The following NPAS2 variants were observed in gnomAD, a reference collection of about 807,000 sequenced individuals.
NPAS2 encodes the protein neuronal PAS domain-containing protein 2.
NPAS2 carries 23 observed loss-of-function variants against 107.5 expected under a neutral mutation model. The ratio of observed to expected loss-of-function variants is 0.21; its 90% CI spans 0.15 to 0.30. The LOEUF is 0.30. NPAS2 is among the 10% of genes least tolerant of loss of function. The pLI is 1.00. For synonymous variants in NPAS2, 403 were observed against 417.5 expected, an observed-to-expected ratio of 0.97 and a Z score of 0.42; for missense variants, 756 against 1,043.3, an observed-to-expected ratio of 0.72 and a Z score of 3.79.
chr2:100,926,423 T>A (rs1175155102), intron 3 of NPAS2, among the ~76,000 whole-genome samples: 1 of 152,196 alleles, frequency 6.6e-6, no homozygotes, highest in Non-Finnish European at 1.5e-5. Flanking sequence ...TTTCTCCACA[T>A]CCTTGGCAAC....
chr2:100,842,185 G>A (rs1194233287), intron 1 of NPAS2, among the ~76,000 whole-genome samples: 2 of 152,112 alleles, frequency 1.3e-5, no homozygotes, highest in Non-Finnish European at 2.9e-5. Flanking sequence ...ATGAAGCCTA[G>A]ATCTTAGAGA....
At position 100,965,168 on chromosome 2, in the gene NPAS2, C is replaced by T. The variant is rs1187647608; in HGVS notation, c.800+225C>T. Among the ~76,000 whole-genome samples the T allele has an allele frequency of 1.3e-5, 2 of 152,216 alleles. No homozygotes were observed. The highest frequency in any genetic ancestry group is 4.8e-5 in the African/African-American group (2 of 41,474). On this transcript the variant is annotated intron_variant, in intron 9 of 20. Coordinates refer to ENST00000335681, the MANE Select transcript of NPAS2 (RefSeq NM_002518.4). This position sits in a 1 kb window ranked among gnomAD's most constrained non-coding sequence, Gnocchi z 4.3. ...TGGGTCTGATGGCTCAGCCCCGGGC[C>T]ATCTTTGGGATGATCCTCACTTGAG...
At chr2:100,929,819 A>G (rs1264603163) in intron 3 of NPAS2, among the ~76,000 whole-genome samples, 1 of 152,204 alleles carries the variant, frequency 6.6e-6, no homozygotes, top group African/African-American at 2.4e-5. Context: ...ATGAATTTCA[A>G]CATGCTTCCT....
Position 100,964,956 on chromosome 2 carries a change from A to G in NPAS2, c.800+13A>G. On this transcript the variant is annotated intron_variant, in intron 9 of 20. Coordinates refer to ENST00000335681, the MANE Select transcript of NPAS2 (RefSeq NM_002518.4). ...TTCTGGATCACAGGTTTGAGAAAAG[A>G]AAAACATATTTGGGTTGGGCCCTTC... 1 of 1,543,900 alleles carries G rather than the reference A, an allele frequency of 6.5e-7. No individual in the cohort carries two copies.
At chr2:100,864,120 A>G (rs1421270751) in intron 1 of NPAS2, among the ~76,000 whole-genome samples, 1 of 152,220 alleles carries the variant, frequency 6.6e-6, no homozygotes, top group Non-Finnish European at 1.5e-5. Context: ...GTTGACTTAC[A>G]TGATTATGAA....
intron 1 of NPAS2, among the ~76,000 whole-genome samples, chr2:100,852,510 A>G (rs1264427649): frequency 2.6e-5 from 4 of 152,218 alleles, no homozygotes; most frequent in Non-Finnish European, 5.9e-5. Context: ...ACGTAAGAAC[A>G]GGACTTGTTT....
intron 1 of NPAS2, among the ~76,000 whole-genome samples, chr2:100,856,724 C>T (rs1231259205): frequency 1.7e-5 from 2 of 115,294 alleles, no homozygotes; most frequent in Admixed American, 9.6e-5. Flanking sequence ...GGGGCGGGGG[C>T]GGGGGCATGT....
intron 16 of NPAS2, chr2:100,987,109 A>G (rs2310026): frequency 0.85 from 129,112 of 152,186 alleles, 55,138 homozygotes; most frequent in African/African-American, 0.95. Context: ...GCTAATTTTT[A>G]TATTTTTAGT....
intron 15 of NPAS2, among the ~76,000 whole-genome samples, chr2:100,980,846 T>C (rs188624837): frequency 6.6e-6 from 1 of 152,344 alleles, no homozygotes; most frequent in Non-Finnish European, 1.5e-5. Context: ...AAAGCCACTC[T>C]GGTCAAGATG....
chr2:100,919,729 A>G (rs1683106796), intron 2 of NPAS2, among the ~76,000 whole-genome samples: 1 of 151,942 alleles, frequency 6.6e-6, no homozygotes, highest in Non-Finnish European at 1.5e-5. Flanking sequence ...TTCCTTCTCC[A>G]ATTGAGCCCA....
chr2:100,944,412 G>A (rs1021645974), intron 5 of NPAS2, among the ~76,000 whole-genome samples: 10 of 152,220 alleles, frequency 6.6e-5, no homozygotes, highest in South Asian at 2.1e-4. Context: ...TTCAAGGCCC[G>A]TCAGGCAATT....
chr2:100,862,650 G>A (rs764691944), intron 1 of NPAS2, among the ~76,000 whole-genome samples: 2 of 152,094 alleles, frequency 1.3e-5, no homozygotes, highest in African/African-American at 4.8e-5. Context: ...TTATCCACAC[G>A]TACCATGGCA....
At position 100,982,067 on chromosome 2, in the gene NPAS2, A is replaced by C. The variant is rs184926181; in HGVS notation, c.1483-164A>C. 1.8e-3 allele frequency among the ~76,000 whole-genome samples: 272 copies of C among 152,358 alleles called. 2 individuals carry two copies. The highest frequency in any genetic ancestry group is 6.3e-3 in the African/African-American group (260 of 41,582). On this transcript the variant is annotated intron_variant, in intron 15 of 20. Coordinates refer to ENST00000335681, the MANE Select transcript of NPAS2 (RefSeq NM_002518.4). ...CCCAGGATGCCCAGACCTCATCTGC[A>C]GCCCCTGTTCACTGCCCAGGACCCA...
chr2:100,992,565 G>T (rs536154797), intron 19 of NPAS2, among the ~76,000 whole-genome samples: 9 of 152,244 alleles, frequency 5.9e-5, no homozygotes, highest in South Asian at 4.1e-4. Flanking sequence ...CCTCGTTCTC[G>T]ATCTCCTCCC....
chr2:100,851,306 C>T (rs1205040924), intron 1 of NPAS2, among the ~76,000 whole-genome samples: 2 of 152,194 alleles, frequency 1.3e-5, no homozygotes, highest in Non-Finnish European at 2.9e-5. Context: ...ATGTCTTTTA[C>T]CACAATTTTT....
In NPAS2 at chr2:100,904,737, A is replaced by G; in HGVS notation, c.-18A>G. The G allele has an allele frequency of 1.3e-6, 2 of 1,587,058 alleles. No homozygotes were observed. Among genetic ancestry groups the G allele is most frequent in the Non-Finnish European group, 1.7e-6 (2 of 1,163,412 alleles). ...TTTTTTTTTTTTTTTTTGCAGGAAA[A>G]ACTGCATAGAAAATCTAATGGATGA... On this transcript the variant is annotated 5_prime_UTR_variant, in exon 2 of 21. Transcript: ENST00000335681.
intron 1 of NPAS2, among the ~76,000 whole-genome samples, chr2:100,833,764 A>G (rs140513472): frequency 7.9e-5 from 12 of 152,280 alleles, no homozygotes; most frequent in Non-Finnish European, 1.8e-4. Flanking sequence ...GCCATGATGA[A>G]TGTGACATGT....
chr2:100,954,435 C>T (rs180990229), intron 7 of NPAS2, among the ~76,000 whole-genome samples: 15 of 152,040 alleles, frequency 9.9e-5, no homozygotes, highest in Non-Finnish European at 2.1e-4. Context: ...GAGGCAGAGG[C>T]GGGCAGATTG....
intron 1 of NPAS2, among the ~76,000 whole-genome samples, chr2:100,836,386 A>G (rs1331752988): frequency 6.6e-6 from 1 of 152,160 alleles, no homozygotes; most frequent in Non-Finnish European, 1.5e-5. Context: ...CCCACCTGGA[A>G]TCCTTGAATA....
Sources: allele counts gnomAD v4.1 joint callset (sites outside exome capture counted in the v4.1 genomes callset), GRCh38; gene constraint gnomAD v4.1.1; non-coding constraint Gnocchi (gnomAD v3.1); transcripts MANE v1.5; gene names NCBI Gene and HGNC (gene_info 2026-07-23, HGNC 2026-07-21).